Variants in EXOC6B observed in about 807,000 individuals in gnomAD.
The protein encoded by EXOC6B is SEC15 homolog B.
A neutral mutation model predicts 113.5 loss-of-function variants in EXOC6B; 54 were observed. The observed-to-expected ratio is 0.48, with a 90% CI of 0.38 to 0.60. The LOEUF (loss-of-function observed/expected upper bound fraction) is 0.60. EXOC6B is among the 20% of genes least tolerant of loss of function. EXOC6B has a pLI of 0.00. For synonymous variants in EXOC6B, 357 were observed against 339.0 expected (o/e 1.05, Z -0.58); for missense variants, 797 against 977.5 (o/e 0.82, Z 2.46).
At chr2:72,554,863 G>C (rs1031296190) in intron 8 of EXOC6B, among the ~76,000 whole-genome samples, 1 of 151,924 alleles carries the variant, frequency 6.6e-6, no homozygotes, top group Admixed American at 6.6e-5. Flanking sequence ...CCATCAACTC[G>C]TCATTTACAT....
intron 20 of EXOC6B, among the ~76,000 whole-genome samples, chr2:72,306,463 A>G (rs1170037427): frequency 6.6e-6 from 1 of 152,202 alleles, no homozygotes; most frequent in Non-Finnish European, 1.5e-5. Flanking sequence ...AACCTAGTCC[A>G]CAAATTTGTT....
chr2:72,741,731 G>C (rs1438321139), intron 1 of EXOC6B, among the ~76,000 whole-genome samples: 5 of 152,046 alleles, frequency 3.3e-5, no homozygotes, highest in African/African-American at 1.2e-4. Context: ...CAACTCCCTT[G>C]TATCTTTCTT....
chr2:72,200,197 T>G (rs936056855), intron 20 of EXOC6B, among the ~76,000 whole-genome samples: 2 of 152,124 alleles, frequency 1.3e-5, no homozygotes, highest in African/African-American at 4.8e-5. Context: ...GCACCCGGCT[T>G]GAGAGATTTT....
At position 72,245,329 on chromosome 2, in the gene EXOC6B, G is replaced by A. The variant is rs1343267680; in HGVS notation, c.2197-61142C>T. 2.0e-5 allele frequency among the ~76,000 whole-genome samples: 3 copies of A among 152,160 alleles called. No individual in the cohort carries two copies. The East Asian group carries it at 5.8e-4, about 29-fold the overall frequency. On this transcript the variant is annotated intron_variant, in intron 20 of 21. Coordinates refer to ENST00000272427, the MANE Select transcript of EXOC6B (RefSeq NM_015189.3). ...ATAAAAGGTCTACAAATAAATCCAT[G>A]CAAATATAGTAAACTGAACTGTATA... is the stretch of plus-strand genomic sequence containing the variant.
intron 3 of EXOC6B, 78 bp from the exon 4 acceptor site, chr2:72,731,323 G>C: frequency 9.3e-7 from 1 of 1,078,898 alleles, no homozygotes; most frequent in Non-Finnish European, 1.4e-6. Context: ...TCCACACTGT[G>C]TTCAATTCAT....
At chr2:72,505,756 T>G (rs971579087) in intron 11 of EXOC6B, among the ~76,000 whole-genome samples, 4 of 152,166 alleles carry the variant, frequency 2.6e-5, no homozygotes, top group African/African-American at 4.8e-5. Flanking sequence ...ACAGGGGTCC[T>G]GACTATCTTG....
At chr2:72,602,356 A>G (rs1164197723) in intron 6 of EXOC6B, among the ~76,000 whole-genome samples, 1 of 152,176 alleles carries the variant, frequency 6.6e-6, no homozygotes, top group East Asian at 1.9e-4. Flanking sequence ...TATGGATTTT[A>G]TGCTTAAGTC....
intron 6 of EXOC6B, among the ~76,000 whole-genome samples, chr2:72,587,322 T>G (rs900038492): frequency 6.6e-6 from 1 of 152,112 alleles, no homozygotes; most frequent in Middle Eastern, 3.4e-3. Context: ...GAACGGAAAA[T>G]CATATACTGC....
intron 6 of EXOC6B, among the ~76,000 whole-genome samples, chr2:72,665,835 A>G (rs1040253632): frequency 3.3e-5 from 5 of 152,226 alleles, no homozygotes; most frequent in African/African-American, 4.8e-5. Flanking sequence ...ACAATCTCAC[A>G]TATCAATACT....
At chr2:72,268,188 G>A (rs1393364849) in intron 20 of EXOC6B, among the ~76,000 whole-genome samples, 1 of 152,118 alleles carries the variant, frequency 6.6e-6, no homozygotes, top group Non-Finnish European at 1.5e-5. Flanking sequence ...TTGGCTCACT[G>A]CAAGCTCTGC....
chr2:72,185,967 C>T (rs1678406135), intron 20 of EXOC6B, among the ~76,000 whole-genome samples: 1 of 151,580 alleles, frequency 6.6e-6, no homozygotes, highest in Admixed American at 6.6e-5. Flanking sequence ...TGTTCAATTC[C>T]CACCTATGAG....
At chr2:72,179,813 C>T (rs1015937508) in intron 21 of EXOC6B, among the ~76,000 whole-genome samples, 7 of 152,092 alleles carry the variant, frequency 4.6e-5, no homozygotes, top group African/African-American at 1.4e-4. Flanking sequence ...GTCAATAAGC[C>T]CTTATAGAAT....
chr2:72,416,383 G>A (rs752853277), intron 18 of EXOC6B, among the ~76,000 whole-genome samples: 7 of 152,172 alleles, frequency 4.6e-5, no homozygotes, highest in East Asian at 1.9e-4. Flanking sequence ...AATGTGGTGC[G>A]TTTTACTCTG....
At chr2:72,764,205 C>T (rs552807236) in intron 1 of EXOC6B, among the ~76,000 whole-genome samples, 1 of 151,330 alleles carries the variant, frequency 6.6e-6, no homozygotes, top group East Asian at 1.9e-4. Flanking sequence ...ATTCCTTTTC[C>T]TCTCCTCTCA....
intron 18 of EXOC6B, among the ~76,000 whole-genome samples, chr2:72,413,473 G>A (rs1694315556): frequency 6.7e-6 from 1 of 150,324 alleles, no homozygotes; most frequent in Admixed American, 6.6e-5. Flanking sequence ...AGATCACGAG[G>A]TCAGATCGAG....
intron 19 of EXOC6B, among the ~76,000 whole-genome samples, chr2:72,372,249 G>A (rs1691072452): frequency 6.6e-6 from 1 of 152,230 alleles, no homozygotes; most frequent in Non-Finnish European, 1.5e-5. Flanking sequence ...ATTACCCAAA[G>A]CAATCTATAG....
intron 6 of EXOC6B, among the ~76,000 whole-genome samples, chr2:72,651,388 G>T (rs1252093675): frequency 1.3e-5 from 2 of 152,156 alleles, no homozygotes; most frequent in Non-Finnish European, 2.9e-5. Flanking sequence ...AAACAAGTGA[G>T]GTGGGCAGAA....
intron 20 of EXOC6B, among the ~76,000 whole-genome samples, chr2:72,307,695 A>G (rs1686967141): frequency 6.6e-6 from 1 of 152,204 alleles, no homozygotes; most frequent in Admixed American, 6.5e-5. Flanking sequence ...TTTCTACAGC[A>G]AAGGTTCCCT....
intron 17 of EXOC6B, among the ~76,000 whole-genome samples, chr2:72,470,915 C>T (rs186100560): frequency 2.8e-4 from 43 of 152,124 alleles, no homozygotes; most frequent in Admixed American, 7.9e-4. Flanking sequence ...TGAATAGTGC[C>T]GCAATAAACA....
Sources: allele counts gnomAD v4.1 joint callset (sites outside exome capture counted in the v4.1 genomes callset), GRCh38; gene constraint gnomAD v4.1.1; transcripts MANE v1.5; gene names NCBI Gene and HGNC (gene_info 2026-07-23, HGNC 2026-07-21).